Variants in KSR1 observed in about 807,000 individuals in gnomAD.
KSR1 encodes kinase suppressor of ras 1, also known as kinase suppressor of ras.
Under a neutral mutation model 92.9 loss-of-function variants are expected in KSR1, and 35 were observed. That is an observed-to-expected ratio of 0.38 (90% confidence interval 0.29 to 0.50). KSR1 has a LOEUF of 0.50. Among genes scored for constraint, KSR1 ranks in the 20% least tolerant of loss-of-function variants. The probability of loss-of-function intolerance (pLI) is 0.94; values close to 1 mark genes in which losing one functional copy is unlikely to be tolerated. For synonymous variants in KSR1, 467 were observed against 472.6 expected (o/e 0.99, Z 0.15); for missense variants, 972 against 1,158.5 (o/e 0.84, Z 2.34).
At chr17:27,484,084 G>A (rs925939991) in intron 1 of KSR1, among the ~76,000 whole-genome samples, 1 of 152,176 alleles carries the variant, frequency 6.6e-6, no homozygotes, top group Non-Finnish European at 1.5e-5. Context: ...GACTTGGGGT[G>A]TGAGAAATAT....
intron 3 of KSR1, chr17:27,578,539 G>A (rs564982165): frequency 1.3e-5 from 2 of 152,328 alleles, no homozygotes; most frequent in East Asian, 3.9e-4. Context: ...ACATATTACA[G>A]GAGACTGAGC....
rs554837866 is a variant in KSR1 at position 27,584,671 on chromosome 17, T to G, written c.981-986T>G. Among the ~76,000 whole-genome samples the G allele has an allele frequency of 9.2e-5, 14 of 152,320 alleles. No homozygotes were observed. The South Asian group carries it at 1.9e-3, about 20-fold the overall frequency. On this transcript the variant is annotated intron_variant, in intron 4 of 20. Transcript: ENST00000644974. ...ACAACTAGCCTCAAACTCCAGCCAG[T>G]GACTGAGCCTCAGACCCTGGGATTC...
rs1394153784 is a variant in KSR1, at chr17:27,588,396, C to A, written c.986-79C>A. ...ATTGCGCCCCCCTCTAGCCTGTGGT[C>A]TCTGAATTAGGAAGTCATGGGCACG... On this transcript the variant is annotated intron_variant, in intron 5 of 20. Transcript: ENST00000644974. 3.1e-6 allele frequency: 4 copies of A among 1,307,276 alleles called. No homozygotes were observed. In the African/African-American group the frequency reaches 4.4e-5, roughly 14 times the overall value. 81.0% of individuals were successfully genotyped at this position (1,307,276 alleles called of 1,614,324 possible). A position where few individuals can be genotyped will look rare whatever the true frequency, so the allele number is the denominator to read the frequency against.
chr17:27,607,767 G>T, intron 14 of KSR1, 147 bp from the exon 15 acceptor site: 1 of 639,090 alleles, frequency 1.6e-6, no homozygotes. Context: ...GGACTGGGCT[G>T]GGTTAAAGAA....
At chr17:27,474,819 G>A (rs1229942221) in intron 1 of KSR1, among the ~76,000 whole-genome samples, 1 of 152,068 alleles carries the variant, frequency 6.6e-6, no homozygotes, top group Admixed American at 6.6e-5. Context: ...AATATCACCT[G>A]GAATCCCAGT....
rs558225680 is a variant in KSR1 at position 27,604,837 on chromosome 17, G to T, written c.1614+109G>T. 3.6e-5 allele frequency: 38 copies of T among 1,043,820 alleles called. No homozygotes were observed. The African/African-American group carries it at 4.1e-4, about 11-fold the overall frequency. 64.7% of individuals were successfully genotyped at this position (1,043,820 alleles called of 1,614,324 possible). A position where few individuals can be genotyped will look rare whatever the true frequency, so the allele number is the denominator to read the frequency against. On this transcript the variant is annotated intron_variant, in intron 13 of 20. Transcript: ENST00000644974. Reference sequence around the variant, plus strand: ...TGAGTGGGTTCTGGACTTTGGCAAGGGCTGTCCCAGGCACCCATTGCAGAG... The same window carrying T: ...TGAGTGGGTTCTGGACTTTGGCAAGTGCTGTCCCAGGCACCCATTGCAGAG...
chr17:27,513,794 G>A (rs1157545296), intron 1 of KSR1, among the ~76,000 whole-genome samples: 1 of 152,230 alleles, frequency 6.6e-6, no homozygotes, highest in African/African-American at 2.4e-5. Context: ...CCAGTGTCGG[G>A]GGCTGGTGAA....
intron 11 of KSR1, chr17:27,601,832 AT>A: frequency 8.0e-7 from 1 of 1,255,776 alleles, no homozygotes; most frequent in Non-Finnish European, 1.1e-6. Flanking sequence ...GTAGAAACCC[AT>A]TTGGGAAGGT....
At chr17:27,623,075 T>C (rs1241961851) in intron 20 of KSR1, 6 of 582,754 alleles carry the variant, frequency 1.0e-5, no homozygotes, top group Non-Finnish European at 1.8e-5. Context: ...TGCTGGGAGC[T>C]TGGGACTTGG....
intron 1 of KSR1, among the ~76,000 whole-genome samples, chr17:27,484,846 G>A (rs533505360): frequency 1.2e-3 from 179 of 152,356 alleles, no homozygotes; most frequent in Non-Finnish European, 2.1e-3. Flanking sequence ...CGCAGTGTTC[G>A]TAGTGGCTGC....
chr17:27,553,195 T>G (rs2071461059), intron 2 of KSR1, among the ~76,000 whole-genome samples: 1 of 152,152 alleles, frequency 6.6e-6, no homozygotes, highest in Non-Finnish European at 1.5e-5. Context: ...CAGGCAGTTG[T>G]GAAAGTCAAG....
At chr17:27,466,797 C>T (rs910781166) in intron 1 of KSR1, among the ~76,000 whole-genome samples, 1 of 152,236 alleles carries the variant, frequency 6.6e-6, no homozygotes, top group African/African-American at 2.4e-5. Context: ...GAGGCCTGGG[C>T]CGGCTGGGGC....
intron 9 of KSR1, 54 bp downstream of exon 9, chr17:27,592,680 A>T (rs774088003): frequency 6.9e-7 from 1 of 1,451,868 alleles, no homozygotes. Context: ...CTTCCTTCCT[A>T]TAAAGCACCC....
chr17:27,489,121 G>A (rs2068749258), intron 1 of KSR1, among the ~76,000 whole-genome samples: 1 of 152,228 alleles, frequency 6.6e-6, no homozygotes, highest in African/African-American at 2.4e-5. Context: ...GTACCTGGGT[G>A]GTGCCAGCAT....
At chr17:27,561,962 C>T (rs2071847030) in intron 2 of KSR1, among the ~76,000 whole-genome samples, 2 of 152,214 alleles carry the variant, frequency 1.3e-5, no homozygotes, top group Non-Finnish European at 2.9e-5. Flanking sequence ...TCTTGTGCCT[C>T]AGCCTCCTGA....
chr17:27,476,096 A>G (rs928205851), intron 1 of KSR1, among the ~76,000 whole-genome samples: 2 of 152,170 alleles, frequency 1.3e-5, no homozygotes, highest in South Asian at 2.1e-4. Flanking sequence ...CCTCCTAGCT[A>G]TCAGGCTCTG....
chr17:27,520,860 G>A (rs1048117880), intron 1 of KSR1, among the ~76,000 whole-genome samples: 6 of 152,258 alleles, frequency 3.9e-5, no homozygotes, highest in Non-Finnish European at 1.5e-5. Flanking sequence ...GCAGGTAGCT[G>A]GAGGATGCGG....
chr17:27,467,317 C>G (rs923514018), intron 1 of KSR1, among the ~76,000 whole-genome samples: 1 of 152,226 alleles, frequency 6.6e-6, no homozygotes, highest in Non-Finnish European at 1.5e-5. Flanking sequence ...AGCCCCAAAC[C>G]CTGGGCCAGG....
intron 1 of KSR1, among the ~76,000 whole-genome samples, chr17:27,489,686 T>C (rs8070481): frequency 0.53 from 79,966 of 151,892 alleles, 21,460 homozygotes; most frequent in East Asian, 0.69. Flanking sequence ...CCTAGCCTGC[T>C]TTTGCTTCTT....
Sources: gnomAD v4.1 joint callset for allele counts (sites outside exome capture counted in the v4.1 genomes callset) on GRCh38, gnomAD v4.1.1 for gene constraint, MANE v1.5 for transcripts, NCBI Gene and HGNC (gene_info 2026-07-23, HGNC 2026-07-21) for gene names.